Variants in PDE4D observed in about 807,000 individuals in gnomAD.
PDE4D encodes 3',5'-cyclic-AMP phosphodiesterase 4D.
A neutral mutation model predicts 87.4 loss-of-function variants in PDE4D; 24 were observed. The observed-to-expected ratio is 0.27, with a 90% CI of 0.20 to 0.39. PDE4D has a LOEUF of 0.39. Ranked by LOEUF, PDE4D falls within the 10% of genes least tolerant of loss-of-function variation. The pLI is 1.00. For synonymous variants in PDE4D, 384 were observed against 383.2 expected (o/e 1.00, Z -0.02); for missense variants, 714 against 1,041.0 (o/e 0.69, Z 4.32).
chr5:60,223,795 CTG>C (rs1229042246), intron 1 of PDE4D, among the ~76,000 whole-genome samples: 1 of 152,066 alleles, frequency 6.6e-6, no homozygotes, highest in Non-Finnish European at 1.5e-5. Context: ...TAAAAAATAA[CTG>C]TTTCATTTTT....
intron 1 of PDE4D, among the ~76,000 whole-genome samples, chr5:59,477,597 G>A (rs1174895064): frequency 3.3e-5 from 5 of 152,068 alleles, no homozygotes; most frequent in Admixed American, 2.0e-4. Context: ...ATACGCTGTT[G>A]GTGGACATGT....
chr5:59,336,965 C>G (rs1232790584), intron 1 of PDE4D, among the ~76,000 whole-genome samples: 1 of 152,142 alleles, frequency 6.6e-6, no homozygotes, highest in Non-Finnish European at 1.5e-5. Context: ...AAATAAAAAA[C>G]ATTAACTCAT....
At chr5:59,510,073 G>T (rs1810020940) in intron 1 of PDE4D, among the ~76,000 whole-genome samples, 1 of 150,298 alleles carries the variant, frequency 6.7e-6, no homozygotes, top group African/African-American at 2.4e-5. Context: ...AACAAAATTA[G>T]AAATTAATAA....
At chr5:59,903,125 G>A (rs1019269285) in intron 3 of PDE4D, among the ~76,000 whole-genome samples, 1 of 152,034 alleles carries the variant, frequency 6.6e-6, no homozygotes, top group African/African-American at 2.4e-5. Context: ...ACATCCTTTG[G>A]ATATGCAGAA....
intron 1 of PDE4D, among the ~76,000 whole-genome samples, chr5:59,704,451 A>G (rs1429017868): frequency 1.3e-5 from 2 of 152,184 alleles, no homozygotes; most frequent in South Asian, 2.1e-4. Flanking sequence ...TTTCTGTATC[A>G]GGGGACACCT....
chr5:60,347,367 A>G (rs73106782), intron 1 of PDE4D, among the ~76,000 whole-genome samples: 16,004 of 152,148 alleles, frequency 0.11, 1,667 homozygotes, highest in African/African-American at 0.27. Context: ...AGACATTTGT[A>G]GAAAACATAA....
At chr5:59,628,741 T>G (rs781465710) in intron 1 of PDE4D, among the ~76,000 whole-genome samples, 5 of 152,140 alleles carry the variant, frequency 3.3e-5, no homozygotes, top group Non-Finnish European at 7.4e-5. Context: ...TGGCATATTA[T>G]ATAGGGCAAG....
chr5:59,972,398 A>C (rs944415898), intron 3 of PDE4D, among the ~76,000 whole-genome samples: 1 of 152,200 alleles, frequency 6.6e-6, no homozygotes, highest in African/African-American at 2.4e-5. Flanking sequence ...CTAAATTTCC[A>C]AGCAATATAG....
At chr5:59,221,713 G>C (rs1158804757) in intron 1 of PDE4D, among the ~76,000 whole-genome samples, 1 of 152,028 alleles carries the variant, frequency 6.6e-6, no homozygotes, top group Non-Finnish European at 1.5e-5. Flanking sequence ...ATAACAGTAG[G>C]GTGTAAAAAA....
chr5:59,337,364 C>T (rs1232238894), intron 1 of PDE4D, among the ~76,000 whole-genome samples: 2 of 130,732 alleles, frequency 1.5e-5, no homozygotes, highest in Non-Finnish European at 3.2e-5. Context: ...CACGGAGTCT[C>T]GCTGTCGCCC....
intron 1 of PDE4D, among the ~76,000 whole-genome samples, chr5:59,878,999 C>T (rs1486736920): frequency 2.7e-5 from 4 of 148,424 alleles, no homozygotes; most frequent in Non-Finnish European, 5.9e-5. Flanking sequence ...CCTGGGTTCA[C>T]GCCATTCTCC....
rs1449795072 is a variant in PDE4D at position 60,048,123 on chromosome 5, C to T, written c.43-59406G>A. Reference sequence around the variant, plus strand: ...TGATCCCTTTACCATTATGTAATGGCCTTCTTTGTCTCTTTTGATCTTTGT... The same window carrying T: ...TGATCCCTTTACCATTATGTAATGGTCTTCTTTGTCTCTTTTGATCTTTGT... On this transcript the variant is annotated intron_variant, in intron 2 of 16. Coordinates refer to the PDE4D transcript ENST00000502484. Among the ~76,000 whole-genome samples the T allele has an allele frequency of 1.3e-5, 2 of 151,884 alleles. 1 individual carries two copies. Among genetic ancestry groups the T allele is most frequent in the Middle Eastern group, 6.3e-3 (2 of 316 alleles).
chr5:59,716,591 C>T (rs1261539171), intron 1 of PDE4D, among the ~76,000 whole-genome samples: 3 of 152,156 alleles, frequency 2.0e-5, no homozygotes, highest in South Asian at 2.1e-4. Context: ...CCTCTGGTCA[C>T]GGACCTCAAA....
chr5:60,121,403 C>A (rs1440947861), intron 2 of PDE4D, among the ~76,000 whole-genome samples: 1 of 151,992 alleles, frequency 6.6e-6, no homozygotes, highest in African/African-American at 2.4e-5. Context: ...TAAAGACATA[C>A]CCAAGACTGG....
At chr5:59,705,372 C>T (rs981383929) in intron 1 of PDE4D, among the ~76,000 whole-genome samples, 1 of 152,082 alleles carries the variant, frequency 6.6e-6, no homozygotes, top group Non-Finnish European at 1.5e-5. Flanking sequence ...GACACAAACC[C>T]AGCAGGAAGG....
At chr5:60,282,029 G>GA (rs5868231) in intron 1 of PDE4D, among the ~76,000 whole-genome samples, 32,923 of 147,554 alleles carry the variant, frequency 0.22, 5,125 homozygotes, top group African/African-American at 0.45. Flanking sequence ...AGGAAAAAAG[G>GA]AAAAAAAAAT....
intron 1 of PDE4D, among the ~76,000 whole-genome samples, chr5:60,495,374 A>G (rs534146317): frequency 2.2e-4 from 33 of 152,254 alleles, no homozygotes; most frequent in African/African-American, 7.7e-4. Context: ...CACCTGCTAA[A>G]ATGGTAGATC....
At chr5:60,282,396 G>T (rs1752030732) in intron 1 of PDE4D, among the ~76,000 whole-genome samples, 1 of 151,762 alleles carries the variant, frequency 6.6e-6, no homozygotes, top group Non-Finnish European at 1.5e-5. Context: ...TGTTTAATTT[G>T]GTCTAATATG....
intron 1 of PDE4D, chr5:59,560,898 T>G (rs1819865211): frequency 6.6e-6 from 1 of 152,206 alleles, no homozygotes; most frequent in Admixed American, 6.5e-5. Context: ...TATTTTATCT[T>G]CAGGGATCTG....
Sources: gnomAD v4.1 joint callset for allele counts (sites outside exome capture counted in the v4.1 genomes callset) on GRCh38, gnomAD v4.1.1 for gene constraint, MANE v1.5 for transcripts, NCBI Gene and HGNC (gene_info 2026-07-23, HGNC 2026-07-21) for gene names.